Variants in NCAPH observed in about 807,000 individuals in gnomAD.
NCAPH encodes the protein non-SMC condensin I complex subunit H.
NCAPH carries 38 observed loss-of-function variants against 85.5 expected under a neutral mutation model. The observed-to-expected ratio is 0.44, with a 90% CI of 0.34 to 0.58. The LOEUF is 0.58. NCAPH is among the 20% of genes least tolerant of loss of function. NCAPH has a pLI of 0.01. For missense variants in NCAPH, 789 were observed against 916.6 expected (o/e 0.86, Z 1.80); for synonymous variants, 301 against 335.1 (o/e 0.90, Z 1.11).
At chr2:96,350,045 G>C (rs1191533448) in intron 6 of NCAPH, among the ~76,000 whole-genome samples, 1 of 152,254 alleles carries the variant, frequency 6.6e-6, no homozygotes, top group African/African-American at 2.4e-5. Context: ...TTCTGATTAG[G>C]AAGCTGGAGA....
chr2:96,354,438 T>A (rs192023842), intron 9 of NCAPH, 50 bp downstream of exon 9: 12 of 1,341,380 alleles, frequency 8.9e-6, no homozygotes, highest in Non-Finnish European at 1.2e-5. Flanking sequence ...TTCCATTGGT[T>A]CTTTTTTCTT....
At chr2:96,361,753 TATATATATATATATAC>T (rs2064613796) in intron 12 of NCAPH, among the ~76,000 whole-genome samples, 1 of 130,996 alleles carries the variant, frequency 7.6e-6, no homozygotes. Context: ...TTTAATGATA[TATATATATATATATAC>T]ATATATATAT....
chr2:96,343,471 C>A (rs1477901023), intron 5 of NCAPH, among the ~76,000 whole-genome samples, 167 bp downstream of exon 5: 1 of 152,084 alleles, frequency 6.6e-6, no homozygotes, highest in Non-Finnish European at 1.5e-5. Context: ...TACTCAAACA[C>A]TAAAATTATA....
At position 96,336,709 on chromosome 2, in the gene NCAPH, T is replaced by C. The variant is rs193054760; in HGVS notation, c.19+861T>C. ...GAGAATTTGGCTCTCAGGGGAGTTATATGGACCACTCAGGGAAGTGACCCA... is the reference window on the plus strand; with the variant it reads ...GAGAATTTGGCTCTCAGGGGAGTTACATGGACCACTCAGGGAAGTGACCCA... On this transcript the variant is annotated intron_variant, in intron 1 of 17. Coordinates refer to ENST00000240423, the MANE Select transcript of NCAPH (RefSeq NM_015341.5). Among the ~76,000 whole-genome samples, 19 of 152,326 alleles carry C rather than the reference T, an allele frequency of 1.2e-4. No homozygotes were observed. The East Asian group carries it at 3.7e-3, about 29-fold the overall frequency.
chr2:96,350,026 A>C (rs746092964), intron 6 of NCAPH, among the ~76,000 whole-genome samples: 4 of 152,268 alleles, frequency 2.6e-5, no homozygotes, highest in Non-Finnish European at 5.9e-5. Flanking sequence ...AAGCCATAGC[A>C]CAGGAAGGTT....
intron 15 of NCAPH, 31 bp from the exon 16 acceptor site, chr2:96,368,941 A>C: frequency 6.5e-7 from 1 of 1,549,958 alleles, no homozygotes; most frequent in South Asian, 1.2e-5. Context: ...ACTAGCCCTA[A>C]CTGTCCGATG....
intron 17 of NCAPH, among the ~76,000 whole-genome samples, chr2:96,372,212 C>G (rs2064783522): frequency 6.6e-6 from 1 of 152,100 alleles, no homozygotes; most frequent in African/African-American, 2.4e-5. Context: ...TGGGGAAGAG[C>G]TGGGAGGTAG....
At chr2:96,343,669 A>C (rs1300689748) in intron 5 of NCAPH, among the ~76,000 whole-genome samples, 1 of 151,144 alleles carries the variant, frequency 6.6e-6, no homozygotes, top group Non-Finnish European at 1.5e-5. Flanking sequence ...TTTTGAGAGA[A>C]CTGCGTGTTT....
chr2:96,362,857 TA>T (rs368280545), intron 12 of NCAPH, among the ~76,000 whole-genome samples: 6 of 148,984 alleles, frequency 4.0e-5, no homozygotes, highest in Non-Finnish European at 7.5e-5. Context: ...GTTGAAATGA[TA>T]AAAAAAAAAG....
At chr2:96,339,929 T>C (rs1301065502) in intron 1 of NCAPH, among the ~76,000 whole-genome samples, 1 of 152,118 alleles carries the variant, frequency 6.6e-6, no homozygotes, top group Non-Finnish European at 1.5e-5. Context: ...TTTACTTATT[T>C]ATTTATTTTT....
In NCAPH at chr2:96,360,702, G is replaced by C. The variant is rs200369057; in HGVS notation, c.1579G>C (p.Gly527Arg). Reference sequence around the variant, plus strand: ...TCTGGTCCAGCTTCACCTCAAACCAGGCACCAGGGTAAGCCTATTTCTTGG... The same window carrying C: ...TCTGGTCCAGCTTCACCTCAAACCACGCACCAGGGTAAGCCTATTTCTTGG... ...DTLVQLHLKPGTRLLKMAQGH... is the reference protein window; with the variant it reads ...DTLVQLHLKPRTRLLKMAQGH... Residue 527 changes from glycine to arginine, a missense_variant, in exon 12 of 18, where the codon GGC becomes CGC. Transcript: ENST00000240423. 2.5e-6 allele frequency: 4 copies of C among 1,613,962 alleles called. No homozygotes were observed. Among genetic ancestry groups the C allele is most frequent in the Admixed American group, 3.3e-5 (2 of 59,998 alleles).
rs1056970654 is a variant in NCAPH at position 96,335,812 on chromosome 2, A to G, written c.-18A>G. ...GACGCGCGCGATTTAAAACCAGCTC[A>G]GGAGACGCCAAGGAAAGATGGGACC... On this transcript the variant is annotated 5_prime_UTR_variant, in exon 1 of 18. Coordinates refer to ENST00000240423, the MANE Select transcript of NCAPH (RefSeq NM_015341.5). 49 of 1,493,272 alleles carry G rather than the reference A, an allele frequency of 3.3e-5. No individual in the cohort carries two copies. Among genetic ancestry groups the G allele is most frequent in the Non-Finnish European group, 4.4e-5 (49 of 1,124,914 alleles). The allele number at this position is 1,493,272 out of a possible 1,614,324, so 92.5% of individuals were successfully genotyped here. A position where few individuals can be genotyped will look rare whatever the true frequency, so the allele number is the denominator to read the frequency against.
Position 96,373,574 on chromosome 2 carries a change from C to A in NCAPH, c.*223C>A. The A allele has an allele frequency of 2.1e-6, 1 of 469,284 alleles. No individual in the cohort carries two copies. The highest frequency in any genetic ancestry group is 3.8e-6 in the Non-Finnish European group (1 of 261,464). 29.1% of individuals were successfully genotyped at this position (469,284 alleles called of 1,614,324 possible). On this transcript the variant is annotated 3_prime_UTR_variant, in exon 18 of 18. Coordinates refer to ENST00000240423, the MANE Select transcript of NCAPH (RefSeq NM_015341.5). The stretch of plus-strand genomic sequence containing the variant: ...ATTAAACTTTACTGCCCTATGGTGA[C>A]CATCTAGGAGAGGGGAGGGCAGAGG...
At chr2:96,364,399 G>A in intron 12 of NCAPH, 82 bp from the exon 13 acceptor site, 1 of 842,574 alleles carries the variant, frequency 1.2e-6, no homozygotes, top group Non-Finnish European at 1.9e-6. Context: ...AGGAGATTGG[G>A]CATAGGAATT....
At position 96,351,948 on chromosome 2, in the gene NCAPH, G is replaced by T; in HGVS notation, c.838G>T (p.Val280Phe). 6.2e-7 allele frequency: 1 copy of T among 1,614,168 alleles called. No individual in the cohort carries two copies. The highest frequency in any genetic ancestry group is 8.5e-7 in the Non-Finnish European group (1 of 1,180,026). ...YRSELLFPSD[V>F]QTLSTGEPLE... ...AAGTGAACTGCTGTTTCCCTCTGAT[G>T]TCCAGACTCTCTCCACGGGAGAACC... is the stretch of plus-strand genomic sequence containing the variant. The change falls in exon 7 of 18, where the codon GTC (valine) becomes TTC (phenylalanine). Residue 280 changes from valine to phenylalanine, a missense_variant. Coordinates refer to ENST00000240423, the MANE Select transcript of NCAPH (RefSeq NM_015341.5).
intron 2 of NCAPH, 62 bp downstream of exon 2, chr2:96,341,956 C>A: frequency 6.2e-7 from 1 of 1,605,066 alleles, no homozygotes. Context: ...TGCGTAGGTC[C>A]AGGCATCTCC....
intron 7 of NCAPH, 152 bp downstream of exon 7, chr2:96,352,172 A>T (rs2064453545): frequency 2.6e-6 from 2 of 773,654 alleles, no homozygotes; most frequent in African/African-American, 3.5e-5. Context: ...TCCTTTTGGG[A>T]GTGCCTTGCA....
At position 96,375,652 on chromosome 2, in the gene NCAPH, A is replaced by T. The variant is rs1230034916; in HGVS notation, c.*2301A>T. On this transcript the variant is annotated 3_prime_UTR_variant, in exon 18 of 18. Coordinates refer to ENST00000240423, the MANE Select transcript of NCAPH (RefSeq NM_015341.5). ...TAAGTCATTTTGTTATAGCAGACAA[A>T]TTGACTAAGACAGTGGGTATGCAAG... Among the ~76,000 whole-genome samples the T allele has an allele frequency of 6.6e-6, 1 of 152,230 alleles. No individual in the cohort carries two copies. The highest frequency in any genetic ancestry group is 1.5e-5 in the Non-Finnish European group (1 of 68,048).
chr2:96,364,660 C>T (rs941136850), intron 13 of NCAPH, 69 bp downstream of exon 13: 2 of 1,122,192 alleles, frequency 1.8e-6, no homozygotes, highest in East Asian at 2.5e-5. Flanking sequence ...CTTCTCATGT[C>T]CCCATTTTAT....
Sources: gnomAD v4.1 joint callset for allele counts (sites outside exome capture counted in the v4.1 genomes callset) on GRCh38, gnomAD v4.1.1 for gene constraint, MANE v1.5 for transcripts, NCBI Gene and HGNC (gene_info 2026-07-23, HGNC 2026-07-21) for gene names.